GAS7: variants seen among roughly 807,000 people sequenced by gnomAD.
GAS7 encodes growth arrest-specific protein 7.
GAS7 carries 28 observed loss-of-function variants against 71.1 expected under a neutral mutation model. That is an observed-to-expected ratio of 0.39 (90% CI 0.29 to 0.54). The LOEUF (loss-of-function observed/expected upper bound fraction) is 0.54. Among genes scored for constraint, GAS7 ranks in the 20% least tolerant of loss-of-function variants. The pLI is 0.62. For missense variants in GAS7, 436 were observed against 627.8 expected (o/e 0.69, Z 3.27); for synonymous variants, 258 against 245.8 (o/e 1.05, Z -0.46).
intron 1 of GAS7, among the ~76,000 whole-genome samples, chr17:10,093,897 C>T (rs2073614805): frequency 6.6e-6 from 1 of 152,134 alleles, no homozygotes; most frequent in African/African-American, 2.4e-5. Flanking sequence ...TGGTTAGCCA[C>T]TCCCAAGAAA....
chr17:10,024,192 T>TA (rs2072380545), intron 1 of GAS7, among the ~76,000 whole-genome samples: 1 of 152,128 alleles, frequency 6.6e-6, no homozygotes, highest in Middle Eastern at 3.2e-3. Flanking sequence ...AAGTTAGACC[T>TA]TCCTACCTTC....
intron 1 of GAS7, among the ~76,000 whole-genome samples, chr17:10,085,697 AAAAAAAAAAAAAG>A (rs1033838239): frequency 6.7e-6 from 1 of 148,286 alleles, no homozygotes; most frequent in African/African-American, 2.5e-5. Flanking sequence ...GTCTCAAAAA[AAAAAAAAAAAAAG>A]AAAGAAAGAA....
At chr17:10,099,005 G>A (rs906886177) in intron 1 of GAS7, among the ~76,000 whole-genome samples, 10 of 152,196 alleles carry the variant, frequency 6.6e-5, no homozygotes, top group African/African-American at 2.4e-4. Context: ...TAGATGAAGG[G>A]CAGAGTTGTG....
chr17:10,093,941 C>T (rs2073615216), intron 1 of GAS7, among the ~76,000 whole-genome samples: 1 of 152,170 alleles, frequency 6.6e-6, no homozygotes, highest in African/African-American at 2.4e-5. Context: ...CAGGAGACAG[C>T]CATCAAGGTC....
intron 1 of GAS7, chr17:10,039,709 C>G (rs940082824): frequency 2.2e-6 from 1 of 455,210 alleles, no homozygotes; most frequent in African/African-American, 2.0e-5. Flanking sequence ...ATAAAGACGA[C>G]GAGGCTGGCC....
intron 2 of GAS7, among the ~76,000 whole-genome samples, chr17:9,996,065 T>C (rs1212604852): frequency 6.6e-6 from 1 of 152,222 alleles, no homozygotes; most frequent in Non-Finnish European, 1.5e-5. Flanking sequence ...TGGTTCTTTC[T>C]TAAAAATGAA....
intron 1 of GAS7, among the ~76,000 whole-genome samples, chr17:10,135,293 G>A (rs887127107): frequency 1.3e-5 from 2 of 152,196 alleles, no homozygotes; most frequent in Non-Finnish European, 2.9e-5. Flanking sequence ...AGTGGTGGGT[G>A]TGTGTTTTGG....
intron 5 of GAS7, among the ~76,000 whole-genome samples, chr17:9,950,681 C>T (rs951395610): frequency 3.9e-5 from 6 of 151,998 alleles, no homozygotes; most frequent in Non-Finnish European, 7.4e-5. Context: ...CATAGTGAAA[C>T]CCTGTCTCTA....
intron 1 of GAS7, among the ~76,000 whole-genome samples, chr17:10,098,108 C>T (rs866608699): frequency 6.6e-6 from 1 of 152,096 alleles, no homozygotes; most frequent in Non-Finnish European, 1.5e-5. Context: ...CTGGGGTGTC[C>T]CCAAACTTCT....
intron 1 of GAS7, among the ~76,000 whole-genome samples, chr17:10,057,219 G>A (rs1419728115): frequency 7.9e-5 from 12 of 152,128 alleles, no homozygotes; most frequent in Non-Finnish European, 1.0e-4. Flanking sequence ...CCGCCAGCCC[G>A]TCTAGGAAGT....
intron 1 of GAS7, chr17:10,020,139 G>A (rs745764820): frequency 6.6e-5 from 28 of 421,880 alleles, no homozygotes; most frequent in Non-Finnish European, 1.0e-4. Context: ...TGGGAGCAGA[G>A]AGGAAAATGC....
intron 4 of GAS7, among the ~76,000 whole-genome samples, chr17:9,960,348 C>T (rs1435190428): frequency 6.6e-6 from 1 of 152,108 alleles, no homozygotes; most frequent in Admixed American, 6.5e-5. Context: ...CGCCAGCACG[C>T]CCAGCTAATT....
intron 1 of GAS7, among the ~76,000 whole-genome samples, chr17:10,097,543 GGCACAA>G (rs2073654290): frequency 6.6e-6 from 1 of 152,178 alleles, no homozygotes; most frequent in African/African-American, 2.4e-5. Flanking sequence ...GCTCTTGCAG[GGCACAA>G]GCACAAAGCC....
At chr17:9,933,943 T>C (rs1261556617) in intron 9 of GAS7, among the ~76,000 whole-genome samples, 2 of 148,784 alleles carry the variant, frequency 1.3e-5, no homozygotes, top group Non-Finnish European at 2.9e-5. Flanking sequence ...TGGTGGATAT[T>C]GATGGTTATT....
intron 1 of GAS7, among the ~76,000 whole-genome samples, chr17:10,099,997 A>G (rs551366262): frequency 3.3e-5 from 5 of 152,334 alleles, no homozygotes; most frequent in African/African-American, 1.2e-4. Flanking sequence ...TAGCACCTAC[A>G]TAGAAGATCA....
At chr17:10,144,589 G>T (rs1329953593) in intron 1 of GAS7, among the ~76,000 whole-genome samples, 3 of 151,982 alleles carry the variant, frequency 2.0e-5, no homozygotes, top group Non-Finnish European at 4.4e-5. Context: ...TCTCGTCCAG[G>T]CTGGAGTACA....
chr17:9,963,989 A>C (rs9899797), intron 4 of GAS7, among the ~76,000 whole-genome samples: 17,905 of 152,008 alleles, frequency 0.12, 2,894 homozygotes, highest in African/African-American at 0.36. Context: ...ACAAGATTGG[A>C]CAAAGGCAGG....
intron 4 of GAS7, among the ~76,000 whole-genome samples, chr17:9,962,613 A>G (rs1210831313): frequency 2.6e-5 from 4 of 152,234 alleles, no homozygotes; most frequent in Non-Finnish European, 4.4e-5. Flanking sequence ...CCAATAAAAA[A>G]TGTACAAGAA....
Position 9,911,809 on chromosome 17 carries a change from G to C in GAS7, c.*5419C>G, listed in dbSNP as rs1312287620. 1 of 231,858 alleles carries C rather than the reference G, an allele frequency of 4.3e-6. No homozygotes were observed. The highest frequency in any genetic ancestry group is 6.1e-5 in the East Asian group (1 of 16,390). 14.4% of individuals were successfully genotyped at this position (231,858 alleles called of 1,614,324 possible). ...TCCAGAAATGTCTCTGGTTCGCATA[G>C]AGAGGTACCCAACTGGTCTCGGGAC... On this transcript the variant is annotated 3_prime_UTR_variant, in exon 14 of 14. Coordinates refer to ENST00000432992, the MANE Select transcript of GAS7 (RefSeq NM_201433.2). The surrounding 1 kb of genome is among the most constrained non-coding windows in gnomAD (Gnocchi z 4.0).
Sources: allele counts gnomAD v4.1 joint callset (sites outside exome capture counted in the v4.1 genomes callset), GRCh38; gene constraint gnomAD v4.1.1; non-coding constraint Gnocchi (gnomAD v3.1); transcripts MANE v1.5; gene names NCBI Gene and HGNC (gene_info 2026-07-23, HGNC 2026-07-21).